Variants in UNC13B observed in about 807,000 individuals in gnomAD.
UNC13B encodes protein unc-13 homolog B.
UNC13B carries 144 observed loss-of-function variants against 211.0 expected under a neutral mutation model. That is an observed-to-expected ratio of 0.68 (90% CI 0.60 to 0.78). UNC13B has a LOEUF of 0.78. UNC13B is among the 30% of genes least tolerant of loss of function. The probability of loss-of-function intolerance (pLI) is 0.00; values close to 1 mark genes in which losing one functional copy is unlikely to be tolerated. For synonymous variants in UNC13B, 709 were observed against 725.8 expected (o/e 0.98, Z 0.37); for missense variants, 1,777 against 2,002.0 (o/e 0.89, Z 2.14).
intron 11 of UNC13B, chr9:35,352,999 CCTGGGCTGCGAAG>C (rs1832814972): frequency 8.1e-7 from 1 of 1,232,032 alleles, no homozygotes; most frequent in Admixed American, 4.2e-5. Flanking sequence ...AGGACAAGCT[CCTGGGCTGCGAAG>C]CTGGGCTCGA....
chr9:35,401,532 A>G (rs887853299), intron 37 of UNC13B, among the ~76,000 whole-genome samples: 1 of 152,196 alleles, frequency 6.6e-6, no homozygotes, highest in Non-Finnish European at 1.5e-5. Context: ...TAAGCTTGAT[A>G]AAAGATGAGG....
chr9:35,331,670 C>G (rs754881017), intron 11 of UNC13B, among the ~76,000 whole-genome samples: 14 of 152,186 alleles, frequency 9.2e-5, no homozygotes, highest in Non-Finnish European at 8.8e-5. Flanking sequence ...AAATAATTAA[C>G]AGTTAAGTAT....
intron 1 of UNC13B, among the ~76,000 whole-genome samples, chr9:35,164,413 A>C (rs769569084): frequency 2.6e-4 from 39 of 152,228 alleles, no homozygotes; most frequent in Non-Finnish European, 4.8e-4. Flanking sequence ...ATTTATTACA[A>C]CTCAATTTCA....
chr9:35,300,165 G>C lies in UNC13B; in HGVS notation c.762-1G>C, dbSNP rs1829601789. 3 of 398,594 alleles carry C rather than the reference G, an allele frequency of 7.5e-6. No homozygotes were observed. The East Asian group carries it at 1.1e-4, about 14-fold the overall frequency. 24.7% of individuals were successfully genotyped at this position (398,594 alleles called of 1,614,324 possible). A position where few individuals can be genotyped will look rare whatever the true frequency, so the allele number is the denominator to read the frequency against. ...AAGGTTGAAACTTCTGTTTTCTCCA[G>C]GTATGCTCAGAAATATGATACACTA... On this transcript the variant is annotated splice_acceptor_variant, in intron 8 of 39. Transcript: ENST00000635942. LOFTEE classifies it high-confidence loss of function.
At chr9:35,265,481 C>G (rs572243975) in intron 7 of UNC13B, among the ~76,000 whole-genome samples, 18 of 152,166 alleles carry the variant, frequency 1.2e-4, no homozygotes, top group Non-Finnish European at 2.5e-4. Flanking sequence ...TTTAAGCTCC[C>G]CAGCCTATGG....
intron 8 of UNC13B, among the ~76,000 whole-genome samples, chr9:35,296,444 A>C (rs1008535431): frequency 6.6e-6 from 1 of 152,206 alleles, no homozygotes; most frequent in African/African-American, 2.4e-5. Flanking sequence ...ATACAGCATA[A>C]AGAGTTTCCC....
chr9:35,253,013 T>A (rs1322476432), intron 6 of UNC13B, among the ~76,000 whole-genome samples: 2 of 152,244 alleles, frequency 1.3e-5, no homozygotes, highest in Non-Finnish European at 2.9e-5. Flanking sequence ...TTCTCTTTTA[T>A]ATTTTTAGAA....
intron 1 of UNC13B, among the ~76,000 whole-genome samples, chr9:35,189,967 G>A (rs1422964522): frequency 2.0e-5 from 3 of 152,104 alleles, no homozygotes; most frequent in Admixed American, 1.3e-4. Context: ...CACCATGCCC[G>A]ACCTGCCAGT....
intron 11 of UNC13B, among the ~76,000 whole-genome samples, chr9:35,329,069 C>G (rs1174615034): frequency 6.6e-6 from 1 of 151,916 alleles, no homozygotes; most frequent in African/African-American, 2.4e-5. Flanking sequence ...CCTCGCCCAG[C>G]CCCGAATTGT....
At chr9:35,365,226 T>C (rs935031880) in intron 11 of UNC13B, among the ~76,000 whole-genome samples, 1 of 152,242 alleles carries the variant, frequency 6.6e-6, no homozygotes, top group Non-Finnish European at 1.5e-5. Context: ...TGGGCCATAG[T>C]AAACACTGTG....
chr9:35,165,082 C>T (rs1454162503), intron 1 of UNC13B, among the ~76,000 whole-genome samples: 1 of 152,074 alleles, frequency 6.6e-6, no homozygotes, highest in South Asian at 2.1e-4. Flanking sequence ...ATGTAGGAAC[C>T]GAACCATTTG....
At position 35,349,596 on chromosome 9, in the gene UNC13B, C is replaced by T. The variant is rs377195711; in HGVS notation, c.9415-17351C>T. Among the ~76,000 whole-genome samples, 97 of 152,242 alleles carry T rather than the reference C, an allele frequency of 6.4e-4. 1 individual carries two copies. The South Asian group carries it at 0.015, about 24-fold the overall frequency. On this transcript the variant is annotated intron_variant, in intron 11 of 39. Transcript: ENST00000635942. ...ACCTTGAGGTGAAGCAGTAATGCCT[C>T]ACAGGATGGATAGGGTTCTTAGATG...
At chr9:35,314,108 A>G (rs1830326935) in intron 11 of UNC13B, 119 bp downstream of exon 11, 2 of 819,564 alleles carry the variant, frequency 2.4e-6, no homozygotes, top group Admixed American at 3.9e-5. Context: ...CTGGGAATGC[A>G]TGACAATTAA....
chr9:35,353,133 T>G (rs1832825203), intron 11 of UNC13B: 1 of 1,232,028 alleles, frequency 8.1e-7, no homozygotes, highest in East Asian at 3.2e-5. Flanking sequence ...CCTGAGACTT[T>G]CAGTGACATG....
intron 11 of UNC13B, among the ~76,000 whole-genome samples, chr9:35,324,376 A>G (rs1169298104): frequency 1.3e-5 from 2 of 152,226 alleles, no homozygotes; most frequent in Non-Finnish European, 2.9e-5. Context: ...AAACTTCAGT[A>G]TACTTAGGCT....
intron 1 of UNC13B, among the ~76,000 whole-genome samples, chr9:35,199,402 CTT>C (rs1823142150): frequency 6.6e-6 from 1 of 152,158 alleles, no homozygotes; most frequent in Non-Finnish European, 1.5e-5. Context: ...GTTCTAGATC[CTT>C]GAGGAATCGC....
Position 35,317,874 on chromosome 9 carries a change from G to A in UNC13B, c.9414+3885G>A, listed in dbSNP as rs1247779242. ...TAAAATGAACATTTATGGAATGAATGTCATAATACTTACTGATTTTTTATT... is the reference window on the plus strand; with the variant it reads ...TAAAATGAACATTTATGGAATGAATATCATAATACTTACTGATTTTTTATT... On this transcript the variant is annotated intron_variant, in intron 11 of 39. Coordinates refer to ENST00000635942, the MANE Select transcript of UNC13B (RefSeq NM_001371189.2). 2.6e-5 allele frequency among the ~76,000 whole-genome samples: 4 copies of A among 152,052 alleles called. No individual in the cohort carries two copies. In the East Asian group the frequency reaches 7.7e-4, roughly 29 times the overall value.
At chr9:35,348,899 G>C (rs1346501049) in intron 11 of UNC13B, among the ~76,000 whole-genome samples, 1 of 152,002 alleles carries the variant, frequency 6.6e-6, no homozygotes, top group Non-Finnish European at 1.5e-5. Flanking sequence ...TTCCATCTTA[G>C]TTTACTAAGC....
intron 1 of UNC13B, among the ~76,000 whole-genome samples, chr9:35,182,646 T>C (rs556361678): frequency 6.6e-6 from 1 of 152,142 alleles, no homozygotes; most frequent in South Asian, 2.1e-4. Context: ...TGTCCCTGGG[T>C]ACTTGAGATT....
Sources: allele counts gnomAD v4.1 joint callset (sites outside exome capture counted in the v4.1 genomes callset), GRCh38; gene constraint gnomAD v4.1.1; transcripts MANE v1.5; gene names NCBI Gene and HGNC (gene_info 2026-07-23, HGNC 2026-07-21).